ICE1: variants seen among roughly 807,000 people sequenced by gnomAD.
ICE1 encodes the protein interactor of little elongation complex ELL subunit 1, also known as little elongation complex subunit 1.
A neutral mutation model predicts 192.7 loss-of-function variants in ICE1; 64 were observed. The ratio of observed to expected loss-of-function variants is 0.33; its 90% confidence interval spans 0.27 to 0.41. The LOEUF is 0.41. Ranked by LOEUF, ICE1 falls within the 10% of genes least tolerant of loss-of-function variation. The pLI is 1.00. For missense variants in ICE1, 2,708 were observed against 2,696.0 expected (o/e 1.00, Z -0.10); for synonymous variants, 1,010 against 984.5 (o/e 1.03, Z -0.49).
At chr5:5,468,807 G>A (rs988352052) in intron 14 of ICE1, 21 bp from the exon 15 acceptor site, 21 of 1,427,864 alleles carry the variant, frequency 1.5e-5, no homozygotes, top group African/African-American at 2.9e-5. Context: ...AAGAGTTATT[G>A]TATTATTTTA....
At position 5,463,951 on chromosome 5, in the gene ICE1, C is replaced by T. The variant is rs917890971; in HGVS notation, c.4617C>T (p.His1539=). 6.2e-7 allele frequency: 1 copy of T among 1,613,746 alleles called. No individual in the cohort carries two copies. The highest frequency in any genetic ancestry group is 1.1e-5 in the South Asian group (1 of 91,066). Residue 1539 remains histidine, a synonymous_variant, in exon 13 of 19, where the codon CAC becomes CAT. Coordinates refer to ENST00000296564, the MANE Select transcript of ICE1 (RefSeq NM_015325.3). ...NFETQIVASD[H]TYYNSKLEPS... is the part of the protein sequence containing the mutation. Reference sequence around the variant, plus strand: ...AGACTCAGATTGTTGCGTCTGATCACACATATTATAACTCAAAACTAGAGC... The same window carrying T: ...AGACTCAGATTGTTGCGTCTGATCATACATATTATAACTCAAAACTAGAGC...
At chr5:5,485,666 GC>G (rs1425220927) in intron 17 of ICE1, among the ~76,000 whole-genome samples, 1 of 152,134 alleles carries the variant, frequency 6.6e-6, no homozygotes, top group East Asian at 1.9e-4. Context: ...GGATCCTTTT[GC>G]CCACTTATGA....
intron 7 of ICE1, 29 bp from the exon 8 acceptor site, chr5:5,447,398 C>G (rs1415599049): frequency 7.1e-7 from 1 of 1,399,396 alleles, no homozygotes; most frequent in Admixed American, 2.2e-5. Flanking sequence ...AATTATTTTT[C>G]TCTCCCTATT....
chr5:5,441,228 G>C lies in ICE1; in HGVS notation c.309+5G>C. ...GCAGAGCTAGAAGAGAAAAAGGTAT[G>C]AACAATAATTTTCTGTAAAGATTTA... On this transcript the variant is annotated splice_donor_5th_base_variant and intron_variant, in intron 5 of 18. Transcript: ENST00000296564. 6.7e-7 allele frequency: 1 copy of C among 1,497,226 alleles called. No homozygotes were observed. 92.7% of individuals were successfully genotyped at this position (1,497,226 alleles called of 1,614,324 possible). A position where few individuals can be genotyped will look rare whatever the true frequency, so the allele number is the denominator to read the frequency against.
chr5:5,436,046 G>A (rs970924873), intron 1 of ICE1, among the ~76,000 whole-genome samples: 3 of 151,774 alleles, frequency 2.0e-5, no homozygotes, highest in African/African-American at 7.3e-5. Flanking sequence ...CTTTTTTGTT[G>A]TTATTTTTTA....
At chr5:5,439,826 AAAGT>A (rs1376529758) in intron 3 of ICE1, 65 bp from the exon 4 acceptor site, 3 of 1,018,110 alleles carry the variant, frequency 2.9e-6, no homozygotes, top group Non-Finnish European at 4.3e-6. Flanking sequence ...AGATAATTGT[AAAGT>A]GAGTTTTATC....
chr5:5,456,658 G>A (rs1738591243), intron 11 of ICE1, among the ~76,000 whole-genome samples: 1 of 151,950 alleles, frequency 6.6e-6, no homozygotes, highest in South Asian at 2.1e-4. Flanking sequence ...TTCCCAGCCC[G>A]ATAATCAACC....
chr5:5,461,019 A>T lies in ICE1; in HGVS notation c.1685A>T (p.Glu562Val). 1 of 1,614,084 alleles carries T rather than the reference A, an allele frequency of 6.2e-7. No homozygotes were observed. The highest frequency in any genetic ancestry group is 1.3e-5 in the African/African-American group (1 of 75,070). Residue 562 changes from glutamate to valine, a missense_variant, in exon 13 of 19, where the codon GAG (glutamate) becomes GTG (valine). Transcript: ENST00000296564. ...AAAATGATGGGATCGCCCAAATCAG[A>T]GTTTACTAAGTGGACACGAATTAAT... ...LSKMMGSPKS[E>V]FTKWTRINEI...
intron 5 of ICE1, among the ~76,000 whole-genome samples, chr5:5,442,545 T>G (rs1738081962): frequency 6.6e-6 from 1 of 152,232 alleles, no homozygotes; most frequent in Admixed American, 6.5e-5. Flanking sequence ...TAACCCTCAT[T>G]AGTTGTTCAG....
At chr5:5,454,102 C>T (rs1358216336) in intron 10 of ICE1, among the ~76,000 whole-genome samples, 1 of 152,110 alleles carries the variant, frequency 6.6e-6, no homozygotes, top group East Asian at 1.9e-4. Flanking sequence ...TTCTGATAAC[C>T]TCTTATAACT....
In ICE1 at chr5:5,462,028, G is replaced by A. The variant is rs1738806745; in HGVS notation, c.2694G>A (p.Met898Ile). Residue 898 changes from methionine to isoleucine, a missense_variant, in exon 13 of 19, where the codon ATG (methionine) becomes ATA (isoleucine). Coordinates refer to ENST00000296564, the MANE Select transcript of ICE1 (RefSeq NM_015325.3). ...VTENSGNKTG[M>I]STVAKCDGER... ...AAAATAGTGGCAACAAAACCGGTAT[G>A]TCAACTGTAGCAAAATGTGATGGGG... is the stretch of plus-strand genomic sequence containing the variant. 3 of 1,613,860 alleles carry A rather than the reference G, an allele frequency of 1.9e-6. No individual in the cohort carries two copies. In the Admixed American group the frequency reaches 5.0e-5, roughly 27 times the overall value.
intron 17 of ICE1, 38 bp downstream of exon 17, chr5:5,476,117 T>C (rs1015103439): frequency 7.9e-7 from 1 of 1,259,602 alleles, no homozygotes; most frequent in Non-Finnish European, 1.1e-6. Flanking sequence ...TTTCTTGTTA[T>C]TGATATCTTG....
chr5:5,444,392 A>C (rs1738146090), intron 7 of ICE1, 66 bp downstream of exon 7: 1 of 1,092,962 alleles, frequency 9.1e-7, no homozygotes, highest in Non-Finnish European at 1.4e-6. Flanking sequence ...CTGTATGAGG[A>C]GGTACTTCTT....
chr5:5,432,052 T>C (rs922864251), intron 1 of ICE1, among the ~76,000 whole-genome samples: 1 of 152,206 alleles, frequency 6.6e-6, no homozygotes, highest in Non-Finnish European at 1.5e-5. Context: ...TGAAATATAA[T>C]TTACATATAA....
At chr5:5,476,892 G>A (rs148163843) in intron 17 of ICE1, among the ~76,000 whole-genome samples, 141 of 152,194 alleles carry the variant, frequency 9.3e-4, no homozygotes, top group African/African-American at 7.9e-4. Context: ...TCACTTAAGC[G>A]AATTACAGAA....
intron 3 of ICE1, 39 bp from the exon 4 acceptor site, chr5:5,439,856 G>C (rs773371649): frequency 1.4e-6 from 2 of 1,441,794 alleles, no homozygotes; most frequent in South Asian, 1.3e-5. Flanking sequence ...AGAAGTATCA[G>C]AAGATAAAAT....
chr5:5,426,668 G>A (rs150363443), intron 1 of ICE1, among the ~76,000 whole-genome samples: 177 of 152,298 alleles, frequency 1.2e-3, no homozygotes, highest in African/African-American at 4.0e-3. Flanking sequence ...GATAAAGTAT[G>A]TTAGAGGGTT....
intron 10 of ICE1, 143 bp from the exon 11 acceptor site, chr5:5,454,409 A>C: frequency 1.8e-6 from 1 of 560,084 alleles, no homozygotes; most frequent in Non-Finnish European, 3.3e-6. Flanking sequence ...AACTGACTGT[A>C]TTGTGCACAA....
At chr5:5,439,939 T>C (rs1350441798) in intron 4 of ICE1, 26 bp downstream of exon 4, 2 of 1,515,582 alleles carry the variant, frequency 1.3e-6, no homozygotes, top group African/African-American at 2.8e-5. Flanking sequence ...TCATAGTTTA[T>C]GATACCACCT....
Sources: allele counts gnomAD v4.1 joint callset (sites outside exome capture counted in the v4.1 genomes callset), GRCh38; gene constraint gnomAD v4.1.1; transcripts MANE v1.5; gene names NCBI Gene and HGNC (gene_info 2026-07-23, HGNC 2026-07-21).